Variants in AKR1D1 observed in about 807,000 individuals in gnomAD.
AKR1D1 encodes delta(4)-3-ketosteroid 5-beta-reductase.
In AKR1D1, 32 loss-of-function variants were observed where a neutral mutation model predicts 42.6. That is an observed-to-expected ratio of 0.75 (90% CI 0.57 to 1.01). The LOEUF (loss-of-function observed/expected upper bound fraction) is 1.01. Among genes scored for constraint, AKR1D1 ranks in the 50% least tolerant of loss-of-function variants. AKR1D1 has a pLI of 0.00. For synonymous variants in AKR1D1, 123 were observed against 135.5 expected (o/e 0.91, Z 0.64); for missense variants, 364 against 402.2 (o/e 0.91, Z 0.81).
chr7:138,083,762 G>A (rs79115045), intron 1 of AKR1D1, among the ~76,000 whole-genome samples: 11 of 151,988 alleles, frequency 7.2e-5, no homozygotes, highest in South Asian at 6.2e-4. Context: ...GACTTTTTGT[G>A]TATGGTGTAA....
rs73451420 is a variant in AKR1D1 at position 138,099,454 on chromosome 7, C to T, written c.456+1511C>T. 4.9e-3 allele frequency among the ~76,000 whole-genome samples: 747 copies of T among 151,850 alleles called. 7 individuals are homozygous for T. The highest frequency in any genetic ancestry group is 0.018 in the African/African-American group (726 of 41,416). On this transcript the variant is annotated intron_variant, in intron 4 of 8. Coordinates refer to ENST00000242375, the MANE Select transcript of AKR1D1 (RefSeq NM_005989.4). Reference sequence around the variant, plus strand: ...AAGAAAAGATATTAGCAATATAAAACGTGAACAAACAACATTTTAAAAAAC... The same window carrying T: ...AAGAAAAGATATTAGCAATATAAAATGTGAACAAACAACATTTTAAAAAAC...
At chr7:138,105,767 A>G (rs1450764544) in intron 5 of AKR1D1, among the ~76,000 whole-genome samples, 1 of 152,046 alleles carries the variant, frequency 6.6e-6, no homozygotes, top group African/African-American at 2.4e-5. Flanking sequence ...CATGCCTGTA[A>G]TCCTAGCTAC....
chr7:138,091,727 C>T lies in AKR1D1; in HGVS notation c.262-41C>T, dbSNP rs139569936. 1.8e-4 allele frequency: 263 copies of T among 1,441,532 alleles called. 1 individual carries two copies. In the African/African-American group the frequency reaches 2.8e-3, roughly 15 times the overall value. The allele number at this position is 1,441,532 out of a possible 1,614,324, so 89.3% of individuals were successfully genotyped here. Reference sequence around the variant, plus strand: ...AAAGGGGCTGCCTTATCGTAAAAAGCGTGTAGACATTAGTTAATTCTCCCT... The same window carrying T: ...AAAGGGGCTGCCTTATCGTAAAAAGTGTGTAGACATTAGTTAATTCTCCCT... On this transcript the variant is annotated intron_variant, in intron 2 of 8. Transcript: ENST00000242375.
At chr7:138,091,021 T>C (rs1206008408) in intron 2 of AKR1D1, among the ~76,000 whole-genome samples, 2 of 152,242 alleles carry the variant, frequency 1.3e-5, no homozygotes, top group Non-Finnish European at 2.9e-5. Flanking sequence ...CTTGCTCATT[T>C]TATCAGAGTG....
chr7:138,083,599 C>T (rs1203058092), intron 1 of AKR1D1, among the ~76,000 whole-genome samples: 1 of 152,064 alleles, frequency 6.6e-6, no homozygotes, highest in Non-Finnish European at 1.5e-5. Flanking sequence ...TGATGTAGTA[C>T]CAACAACCTA....
chr7:138,116,162 A>T (rs1472214488), intron 8 of AKR1D1, among the ~76,000 whole-genome samples: 1 of 152,196 alleles, frequency 6.6e-6, no homozygotes, highest in Non-Finnish European at 1.5e-5. Flanking sequence ...CCTGAGTGAC[A>T]GAGTGAGATT....
intron 1 of AKR1D1, among the ~76,000 whole-genome samples, chr7:138,077,419 G>A (rs1802963140): frequency 6.6e-6 from 1 of 152,138 alleles, no homozygotes; most frequent in Admixed American, 6.6e-5. Flanking sequence ...AGAACAGCAT[G>A]GAAGTAACCT....
In AKR1D1 at chr7:138,117,792, G is replaced by A. The variant is rs1585747257; in HGVS notation, c.*1130G>A. On this transcript the variant is annotated 3_prime_UTR_variant, in exon 9 of 9. Coordinates refer to ENST00000242375, the MANE Select transcript of AKR1D1 (RefSeq NM_005989.4). The stretch of plus-strand genomic sequence containing the variant: ...CCCAGCACTTTGGGAGGCCAAGGTG[G>A]GCAGATCAGGAGGTCAGGAGATCGA... 1 of 152,324 alleles carries A rather than the reference G, an allele frequency of 6.6e-6. No individual in the cohort carries two copies. Among genetic ancestry groups the A allele is most frequent in the East Asian group, 1.9e-4 (1 of 5,186 alleles). The allele number at this position is 152,324 out of a possible 1,614,324, so 9.4% of individuals were successfully genotyped here.
chr7:138,105,570 CTTCT>C, intron 5 of AKR1D1, 141 bp downstream of exon 5: 2 of 1,292,642 alleles, frequency 1.5e-6, no homozygotes, highest in Non-Finnish European at 1.1e-6. Flanking sequence ...AGTCTTTAGA[CTTCT>C]TTCTATTGGT....
chr7:138,113,248 G>A (rs1794568507), intron 7 of AKR1D1, among the ~76,000 whole-genome samples: 1 of 151,902 alleles, frequency 6.6e-6, no homozygotes, highest in Admixed American at 6.6e-5. Flanking sequence ...CCCAGGAGGT[G>A]GAGGTTGCAG....
At chr7:138,082,406 C>G (rs1016842423) in intron 1 of AKR1D1, among the ~76,000 whole-genome samples, 2 of 151,626 alleles carry the variant, frequency 1.3e-5, no homozygotes, top group Non-Finnish European at 2.9e-5. Flanking sequence ...CTTCTTCTGT[C>G]ACCCAGGCTG....
At chr7:138,078,387 G>A (rs1802985906) in intron 1 of AKR1D1, among the ~76,000 whole-genome samples, 1 of 152,218 alleles carries the variant, frequency 6.6e-6, no homozygotes, top group Admixed American at 6.5e-5. Flanking sequence ...ATGGAAGGCA[G>A]ATGAGGAGAA....
At chr7:138,092,546 C>T (rs964850193) in intron 3 of AKR1D1, among the ~76,000 whole-genome samples, 1 of 152,124 alleles carries the variant, frequency 6.6e-6, no homozygotes, top group African/African-American at 2.4e-5. Flanking sequence ...GTTTTATTTA[C>T]CATGGTAGAC....
intron 7 of AKR1D1, among the ~76,000 whole-genome samples, chr7:138,110,598 C>T (rs137930154): frequency 0.093 from 14,149 of 151,850 alleles, 771 homozygotes; most frequent in East Asian, 0.17. Context: ...ACTAAAAATA[C>T]AAAAATTAGC....
At chr7:138,113,937 A>G (rs1794584489) in intron 8 of AKR1D1, among the ~76,000 whole-genome samples, 165 bp downstream of exon 8, 1 of 152,154 alleles carries the variant, frequency 6.6e-6, no homozygotes, top group South Asian at 2.1e-4. Flanking sequence ...TACATCCACT[A>G]CAGGGCCTTC....
Position 138,107,550 on chromosome 7 carries a change from T to C in AKR1D1, c.825T>C (p.Phe275=), listed in dbSNP as rs1283640484. 3 of 1,614,072 alleles carry C rather than the reference T, an allele frequency of 1.9e-6. No homozygotes were observed. The highest frequency in any genetic ancestry group is 2.5e-6 in the Non-Finnish European group (3 of 1,180,008). ...GGGTGGTTGTCATTCCTAAAAGCTT[T>C]AATCTTGAAAGGATCAAAGAAAATT... ...QRGVVVIPKS[F]NLERIKENFQ... The change falls in exon 7 of 9, where the codon TTT becomes TTC. Residue 275 remains phenylalanine, a synonymous_variant. Transcript: ENST00000242375.
At chr7:138,097,811 A>T in intron 3 of AKR1D1, 55 bp from the exon 4 acceptor site, 1 of 1,335,682 alleles carries the variant, frequency 7.5e-7, no homozygotes, top group Non-Finnish European at 1.1e-6. Context: ...TCTATTATTT[A>T]ATTCCCAGAT....
At chr7:138,097,985 T>A (rs1403439165) in intron 4 of AKR1D1, 42 bp downstream of exon 4, 91 of 1,399,536 alleles carry the variant, frequency 6.5e-5, no homozygotes, top group Non-Finnish European at 8.6e-5. Flanking sequence ...ACGATATTTT[T>A]AAAACTGTGA....
intron 5 of AKR1D1, among the ~76,000 whole-genome samples, 171 bp downstream of exon 5, chr7:138,105,600 G>A (rs561153339): frequency 1.3e-5 from 2 of 152,240 alleles, no homozygotes; most frequent in African/African-American, 4.8e-5. Flanking sequence ...TTTAAAAAAC[G>A]GACTTGGGGC....
Sources: gnomAD v4.1 joint callset for allele counts (sites outside exome capture counted in the v4.1 genomes callset) on GRCh38, gnomAD v4.1.1 for gene constraint, MANE v1.5 for transcripts, NCBI Gene and HGNC (gene_info 2026-07-23, HGNC 2026-07-21) for gene names.